The following PKD2L1 variants were observed in gnomAD, a reference collection of about 807,000 sequenced individuals.
PKD2L1 encodes polycystin-2-like protein 1.
A neutral mutation model predicts 93.0 loss-of-function variants in PKD2L1; 77 were observed. The ratio of observed to expected loss-of-function variants is 0.83; its 90% CI spans 0.69 to 1.00. The LOEUF is 1.00. Ranked by LOEUF, PKD2L1 falls within the 50% of genes least tolerant of loss-of-function variation. The pLI is 0.00. For synonymous variants in PKD2L1, 390 were observed against 388.0 expected, an observed-to-expected ratio of 1.01 and a Z score of -0.06; for missense variants, 977 against 990.9, an observed-to-expected ratio of 0.99 and a Z score of 0.19.
intron 2 of PKD2L1, among the ~76,000 whole-genome samples, chr10:100,301,174 C>G (rs1848666066): frequency 1.3e-5 from 2 of 152,142 alleles, no homozygotes; most frequent in African/African-American, 2.4e-5. Flanking sequence ...TCACATGCTT[C>G]AAGGGTGACA....
chr10:100,321,355 G>A (rs1423783138), intron 2 of PKD2L1, among the ~76,000 whole-genome samples: 2 of 151,944 alleles, frequency 1.3e-5, no homozygotes, highest in Non-Finnish European at 2.9e-5. Context: ...AGCTACTTGG[G>A]AGGCTGAGGC....
intron 11 of PKD2L1, among the ~76,000 whole-genome samples, chr10:100,292,453 A>T (rs796825386): frequency 2.6e-5 from 4 of 151,930 alleles, no homozygotes; most frequent in Admixed American, 2.6e-4. Flanking sequence ...AGATTGTGCA[A>T]CTGCACTCCA....
At chr10:100,293,259 C>G in intron 10 of PKD2L1, 22 bp downstream of exon 10, 1 of 1,572,826 alleles carries the variant, frequency 6.4e-7, no homozygotes, top group Non-Finnish European at 8.8e-7. Flanking sequence ...AAATGTGTAG[C>G]TCAAGGAGAT....
intron 1 of PKD2L1, 102 bp from the exon 2 acceptor site, chr10:100,329,426 C>G: frequency 1.3e-6 from 2 of 1,498,840 alleles, no homozygotes; most frequent in Non-Finnish European, 1.8e-6. Context: ...CCACCCCTGC[C>G]CTTCCTTGCC....
rs4919450 is a variant in PKD2L1 at position 100,304,904 on chromosome 10, C to T, written c.350-5186G>A. On this transcript the variant is annotated intron_variant, in intron 2 of 15. Coordinates refer to ENST00000318222, the MANE Select transcript of PKD2L1 (RefSeq NM_016112.3). ...ACAGATCTAGGTTCAAATCCCAGCT[C>T]TGCCACTTACAGTATAGACTTGGGC... Among the ~76,000 whole-genome samples the T allele has an allele frequency of 7.6e-3, 1,163 of 152,290 alleles. 17 individuals are homozygous for T. The highest frequency in any genetic ancestry group is 0.037 in the Middle Eastern group (11 of 294).
At chr10:100,295,898 T>G (rs1180466083) in intron 7 of PKD2L1, among the ~76,000 whole-genome samples, 1 of 150,808 alleles carries the variant, frequency 6.6e-6, no homozygotes, top group Admixed American at 6.6e-5. Context: ...TAGCCAGGCG[T>G]GGTGGTGGGT....
intron 7 of PKD2L1, 132 bp downstream of exon 7, chr10:100,295,990 C>T (rs762829005): frequency 1.4e-5 from 10 of 712,596 alleles, no homozygotes; most frequent in East Asian, 3.2e-5. Context: ...GAGCCAAGAT[C>T]GCCCCCACTT....
Position 100,296,241 on chromosome 10 carries a change from G to A in PKD2L1, c.1237C>T (p.Arg413Trp), listed in dbSNP as rs768024243. The A allele has an allele frequency of 1.3e-5, 21 of 1,610,156 alleles. No individual in the cohort carries two copies. Among genetic ancestry groups the A allele is most frequent in the African/African-American group, 5.4e-5 (4 of 74,574 alleles). ...TGCTGCAGGAGCTTCCCCATGAGCC[G>A]ATTCACCTCGAGGGTTCGGAATATG... is the stretch of plus-strand genomic sequence containing the variant. ...FHIFRTLEVN[R>W]LMGKLLQQPN... Residue 413 changes from arginine (R) to tryptophan (W), a missense_variant, in exon 7 of 16, where the codon CGG becomes TGG. Physicochemically the swap from Arg to Trp is moderately radical, Grantham distance 101. Transcript: ENST00000318222.
intron 15 of PKD2L1, 143 bp downstream of exon 15, chr10:100,288,828 CA>C: frequency 1.7e-6 from 1 of 583,504 alleles, no homozygotes; most frequent in Non-Finnish European, 3.0e-6. Context: ...AACATTGGCT[CA>C]AAAGGCCAGA....
chr10:100,328,847 C>A (rs1406563325), intron 2 of PKD2L1, among the ~76,000 whole-genome samples: 2 of 152,210 alleles, frequency 1.3e-5, no homozygotes, highest in East Asian at 1.9e-4. Context: ...ACTTCGGCCT[C>A]CCAAAGTGCT....
intron 2 of PKD2L1, among the ~76,000 whole-genome samples, chr10:100,305,985 T>C (rs576980887): frequency 6.6e-6 from 1 of 152,058 alleles, no homozygotes; most frequent in Non-Finnish European, 1.5e-5. Flanking sequence ...GAGTTCGATA[T>C]CAGCCTGGGC....
rs1564894591 is a variant in PKD2L1, at chr10:100,321,766, G to GAAA, written c.349+7444_349+7445insTTT. ...AAGAAAGAAAGAAAGAAGGGAGGGA[G>GAAA]GGAGGGAGGGAGGGAGGGAGGGAGG... On this transcript the variant is annotated intron_variant, in intron 2 of 15. Transcript: ENST00000318222. 5.2e-3 allele frequency among the ~76,000 whole-genome samples: 9 copies of GAAA among 1,720 alleles called. 1 individual carries two copies. The highest frequency in any genetic ancestry group is 0.022 in the South Asian group (1 of 46). 1.1% of individuals were successfully genotyped at this position (1,720 alleles called of 152,430 possible). A position where few individuals can be genotyped will look rare whatever the true frequency, so the allele number is the denominator to read the frequency against.
chr10:100,321,701 A>G (rs1373233898), intron 2 of PKD2L1, among the ~76,000 whole-genome samples: 2 of 3,938 alleles, frequency 5.1e-4, no homozygotes, highest in South Asian at 0.019. Flanking sequence ...GAAAGAAAGA[A>G]AGAAAGAAAG....
rs764061364 is a variant in PKD2L1, at chr10:100,330,118, G to T, written c.-15C>A. ...ACAGCATTCATGGGGAATGAGGTGG[G>T]GGGGCCCGGTACCCCAGGTGCCCAC... On this transcript the variant is annotated 5_prime_UTR_variant, in exon 1 of 16. Coordinates refer to ENST00000318222, the MANE Select transcript of PKD2L1 (RefSeq NM_016112.3). The T allele has an allele frequency of 6.6e-7, 1 of 1,507,326 alleles. No individual in the cohort carries two copies. Among genetic ancestry groups the T allele is most frequent in the Non-Finnish European group, 9.0e-7 (1 of 1,107,738 alleles). 93.4% of individuals were successfully genotyped at this position (1,507,326 alleles called of 1,614,324 possible). A position where few individuals can be genotyped will look rare whatever the true frequency, so the allele number is the denominator to read the frequency against.
rs183212412 is a variant in PKD2L1, at chr10:100,329,263, G to T, written c.297C>A (p.Thr99=). The change falls in exon 2 of 16, where the codon ACC becomes ACA. Residue 99 remains threonine (T), a synonymous_variant. Transcript: ENST00000318222. ...TATATACCAACAGCTCCCTCAGGGTGGTCTTGATATAAAGTTCCCGGTTCT... is the reference window on the plus strand; with the variant it reads ...TATATACCAACAGCTCCCTCAGGGTTGTCTTGATATAAAGTTCCCGGTTCT... The part of the protein sequence containing the change: ...TAENRELYIK[T]TLRELLVYIV... 5.0e-6 allele frequency: 8 copies of T among 1,614,004 alleles called. No homozygotes were observed. Among genetic ancestry groups the T allele is most frequent in the Admixed American group, 1.7e-5 (1 of 60,020 alleles).
intron 2 of PKD2L1, among the ~76,000 whole-genome samples, chr10:100,315,465 C>T (rs1361618519): frequency 2.0e-5 from 3 of 152,120 alleles, no homozygotes; most frequent in African/African-American, 7.2e-5. Context: ...TGTGTTGTTC[C>T]CCTCCCTGTG....
At chr10:100,313,673 AGG>A (rs1331194149) in intron 2 of PKD2L1, among the ~76,000 whole-genome samples, 3 of 138,126 alleles carry the variant, frequency 2.2e-5, no homozygotes, top group African/African-American at 1.1e-4. Flanking sequence ...CAACATTTTG[AGG>A]AGTGCAAACA....
At chr10:100,327,950 C>A (rs1447425810) in intron 2 of PKD2L1, among the ~76,000 whole-genome samples, 1 of 152,174 alleles carries the variant, frequency 6.6e-6, no homozygotes, top group African/African-American at 2.4e-5. Flanking sequence ...AAAAATAAGA[C>A]AACATTTCAT....
chr10:100,323,648 C>T (rs112949427), intron 2 of PKD2L1, among the ~76,000 whole-genome samples: 4 of 152,302 alleles, frequency 2.6e-5, no homozygotes, highest in South Asian at 2.1e-4. Flanking sequence ...GGCTAATTAA[C>T]ATATCCATCA....
Sources: gnomAD v4.1 joint callset for allele counts (sites outside exome capture counted in the v4.1 genomes callset) on GRCh38, gnomAD v4.1.1 for gene constraint, MANE v1.5 for transcripts, NCBI Gene and HGNC (gene_info 2026-07-23, HGNC 2026-07-21) for gene names.